The following MINAR2 variants were observed in gnomAD, a reference collection of about 807,000 sequenced individuals.
The protein encoded by MINAR2 is major intrinsically disordered NOTCH2-binding receptor 1-like.
MINAR2 carries 21 observed loss-of-function variants against 16.1 expected under a neutral mutation model. The observed-to-expected ratio is 1.31, with a 90% CI of 0.93 to 1.88. The LOEUF is 1.88. Ranked by LOEUF, MINAR2 falls within the 40% of genes most tolerant of loss-of-function variation. The pLI, the probability that MINAR2 is intolerant of heterozygous loss-of-function variation, is 0.00. For missense variants in MINAR2, 259 were observed against 229.8 expected (o/e 1.13, Z -0.82); for synonymous variants, 86 against 83.0 (o/e 1.04, Z -0.20).
intron 1 of MINAR2, among the ~76,000 whole-genome samples, chr5:129,758,832 C>G (rs938632167): frequency 2.0e-5 from 3 of 151,940 alleles, no homozygotes; most frequent in African/African-American, 7.2e-5. Context: ...AGAAACATTA[C>G]TTTTGAAGCA....
intron 1 of MINAR2, among the ~76,000 whole-genome samples, chr5:129,755,587 C>A (rs1037659079): frequency 3.9e-5 from 6 of 151,920 alleles, no homozygotes; most frequent in African/African-American, 1.4e-4. Context: ...AATTGTCCGA[C>A]TGCACATAAA....
At position 129,748,100 on chromosome 5, in the gene MINAR2, A is replaced by G. The variant is rs1757938265; in HGVS notation, c.-91A>G. The G allele has an allele frequency of 8.3e-7, 1 of 1,211,198 alleles. No individual in the cohort carries two copies. 75.0% of individuals were successfully genotyped at this position (1,211,198 alleles called of 1,614,324 possible). A position where few individuals can be genotyped will look rare whatever the true frequency, so the allele number is the denominator to read the frequency against. Reference sequence around the variant, plus strand: ...AGCTGAGAGACTTGGTTTCAGATGCAGTCAGAGCATCCTCAGGCACATTAA... The same window carrying G: ...AGCTGAGAGACTTGGTTTCAGATGCGGTCAGAGCATCCTCAGGCACATTAA... On this transcript the variant is annotated 5_prime_UTR_variant, in exon 1 of 3. Coordinates refer to ENST00000564719, the MANE Select transcript of MINAR2 (RefSeq NM_001257308.2).
Position 129,765,042 on chromosome 5 carries a change from T to C in MINAR2, c.552T>C (p.Thr184=). ...TCTCCATCTTGGTTACCATAGTGACTATCATTACTTTTTTCACCTGAGGAA... is the reference window on the plus strand; with the variant it reads ...TCTCCATCTTGGTTACCATAGTGACCATCATTACTTTTTTCACCTGAGGAA... ...VVISILVTIV[T]IITFFT Residue 184 remains threonine (T), a synonymous_variant, in exon 3 of 3, where the codon ACT becomes ACC. Transcript: ENST00000564719. The C allele has an allele frequency of 7.7e-7, 1 of 1,300,836 alleles. No individual in the cohort carries two copies. The allele number at this position is 1,300,836 out of a possible 1,614,324, so 80.6% of individuals were successfully genotyped here.
chr5:129,761,232 C>T (rs1250128225), intron 2 of MINAR2, among the ~76,000 whole-genome samples: 1 of 152,170 alleles, frequency 6.6e-6, no homozygotes, highest in African/African-American at 2.4e-5. Context: ...CACCCCATCA[C>T]ATGAAAAACT....
At position 129,754,450 on chromosome 5, in the gene MINAR2, A is replaced by G. The variant is rs1318609610; in HGVS notation, c.166-5928A>G. On this transcript the variant is annotated intron_variant, in intron 1 of 2. Coordinates refer to ENST00000564719, the MANE Select transcript of MINAR2 (RefSeq NM_001257308.2). Reference sequence around the variant, plus strand: ...AAAATGCCTTCTTTTCACTAAGATTATGATAAGGATTACACTGAATGCATA... The same window carrying G: ...AAAATGCCTTCTTTTCACTAAGATTGTGATAAGGATTACACTGAATGCATA... Among the ~76,000 whole-genome samples the G allele has an allele frequency of 2.6e-5, 4 of 152,328 alleles. No individual in the cohort carries two copies. In the South Asian group the frequency reaches 8.3e-4, roughly 32 times the overall value.
At chr5:129,751,469 A>G (rs952066157) in intron 1 of MINAR2, among the ~76,000 whole-genome samples, 8 of 152,290 alleles carry the variant, frequency 5.3e-5, no homozygotes, top group African/African-American at 1.9e-4. Context: ...TGGCCTCCCA[A>G]AGTGCTCAAT....
rs1253928443 is a variant in MINAR2 at position 129,764,989 on chromosome 5, C to G, written c.499C>G (p.Arg167Gly). Residue 167 changes from arginine to glycine, a missense_variant, in exon 3 of 3, where the codon CGT (arginine) becomes GGT (glycine). By Grantham distance (125) the Arg-to-Gly change is moderately radical. Coordinates refer to ENST00000564719, the MANE Select transcript of MINAR2 (RefSeq NM_001257308.2). ...ACAAGAGAAGCATTCAAAATTCTGT[C>G]GTATGGGTCTGATTTTACTTGTCGT... ...EKQEKHSKFC[R>G]MGLILLVVIS... The G allele has an allele frequency of 7.2e-7, 1 of 1,395,044 alleles. No individual in the cohort carries two copies. Among genetic ancestry groups the G allele is most frequent in the Non-Finnish European group, 9.3e-7 (1 of 1,072,600 alleles). The allele number at this position is 1,395,044 out of a possible 1,614,324, so 86.4% of individuals were successfully genotyped here.
Position 129,748,254 on chromosome 5 carries a change from T to A in MINAR2, c.64T>A (p.Ser22Thr). 6.5e-7 allele frequency: 1 copy of A among 1,535,242 alleles called. No homozygotes were observed. Among genetic ancestry groups the A allele is most frequent in the Non-Finnish European group, 8.7e-7 (1 of 1,146,576 alleles). ...PDKFLQLDVK[S>T]LTRSSALLQA... ...CAAATTCCTGCAGCTTGACGTAAAGTCTTTAACGAGGAGCTCAGCCCTCCT... is the reference window on the plus strand; with the variant it reads ...CAAATTCCTGCAGCTTGACGTAAAGACTTTAACGAGGAGCTCAGCCCTCCT... The change falls in exon 1 of 3, where the codon TCT becomes ACT. Residue 22 changes from serine to threonine, a missense_variant. Physicochemically the swap from Ser to Thr is moderately conservative, Grantham distance 58 (BLOSUM62 1). Transcript: ENST00000564719.
intron 1 of MINAR2, among the ~76,000 whole-genome samples, chr5:129,756,070 A>G (rs1758050634): frequency 6.6e-6 from 1 of 152,002 alleles, no homozygotes; most frequent in Admixed American, 6.6e-5. Context: ...TTTGAAATGT[A>G]TTTTTAAATG....
chr5:129,755,497 G>A lies in MINAR2; in HGVS notation c.166-4881G>A, dbSNP rs74934733. Among the ~76,000 whole-genome samples the A allele has an allele frequency of 7.2e-4, 109 of 150,740 alleles. 1 individual carries two copies. In the East Asian group the frequency reaches 0.019, roughly 27 times the overall value. On this transcript the variant is annotated intron_variant, in intron 1 of 2. Coordinates refer to ENST00000564719, the MANE Select transcript of MINAR2 (RefSeq NM_001257308.2). ...GGAGGAGGTTTAAAACTATTGATTCGACTAGTCAAATTATCACAGGTTTGT... is the reference window on the plus strand; with the variant it reads ...GGAGGAGGTTTAAAACTATTGATTCAACTAGTCAAATTATCACAGGTTTGT...
At chr5:129,754,351 A>T (rs1024832005) in intron 1 of MINAR2, among the ~76,000 whole-genome samples, 27 of 152,232 alleles carry the variant, frequency 1.8e-4, no homozygotes, top group African/African-American at 6.0e-4. Flanking sequence ...CTAGCAATTT[A>T]AAACAAAAAT....
chr5:129,765,365 G>C lies in MINAR2; in HGVS notation c.*302G>C, dbSNP rs1224349280. 4.1e-6 allele frequency: 1 copy of C among 245,628 alleles called. No individual in the cohort carries two copies. Among genetic ancestry groups the C allele is most frequent in the African/African-American group, 2.2e-5 (1 of 45,118 alleles). 15.2% of individuals were successfully genotyped at this position (245,628 alleles called of 1,614,324 possible). ...GCAACCCACATTAAATATCTTTATA[G>C]GGAGCAAACAGTATCAAAAATTGTC... On this transcript the variant is annotated 3_prime_UTR_variant, in exon 3 of 3. Coordinates refer to ENST00000564719, the MANE Select transcript of MINAR2 (RefSeq NM_001257308.2).
At chr5:129,751,577 T>C (rs931877390) in intron 1 of MINAR2, among the ~76,000 whole-genome samples, 1 of 152,212 alleles carries the variant, frequency 6.6e-6, no homozygotes, top group Non-Finnish European at 1.5e-5. Context: ...TTCCCATCTA[T>C]GCAGATACTC....
chr5:129,764,005 G>C (rs1758173581), intron 2 of MINAR2, among the ~76,000 whole-genome samples: 1 of 152,188 alleles, frequency 6.6e-6, no homozygotes, highest in Non-Finnish European at 1.5e-5. Flanking sequence ...AGCAGAGATT[G>C]AGTATTCATT....
rs35674869 is a variant in MINAR2, at chr5:129,765,126, A to AC, written c.*71dup. 2,035 of 856,304 alleles carry AC rather than the reference A, an allele frequency of 2.4e-3. 4 individuals carry two copies. Among genetic ancestry groups the AC allele is most frequent in the African/African-American group, 4.8e-3 (279 of 58,218 alleles). The allele number at this position is 856,304 out of a possible 1,614,324, so 53.0% of individuals were successfully genotyped here. Reference sequence around the variant, plus strand: ...AAAATTTTTCTGATAAACATTTGAAACCCCCCCCACCAAAATAACAAAAAA... The same window carrying AC: ...AAAATTTTTCTGATAAACATTTGAAACCCCCCCCCACCAAAATAACAAAAAA... On this transcript the variant is annotated 3_prime_UTR_variant, in exon 3 of 3. Coordinates refer to ENST00000564719, the MANE Select transcript of MINAR2 (RefSeq NM_001257308.2).
Position 129,764,943 on chromosome 5 carries a change from T to C in MINAR2, c.453T>C (p.Thr151=). ...ACATGTACACTCCAGGTTTTGACAC[T>C]TTATTGAAAAAGGAAGAGAAACAAG... ...LGDMYTPGFD[T]LLKKEEKQEK... The change falls in exon 3 of 3, where the codon ACT becomes ACC. Residue 151 remains threonine, a synonymous_variant. Transcript: ENST00000564719. 1 of 1,406,124 alleles carries C rather than the reference T, an allele frequency of 7.1e-7. No individual in the cohort carries two copies. The highest frequency in any genetic ancestry group is 9.3e-7 in the Non-Finnish European group (1 of 1,080,908). The allele number at this position is 1,406,124 out of a possible 1,614,324, so 87.1% of individuals were successfully genotyped here. A position where few individuals can be genotyped will look rare whatever the true frequency, so the allele number is the denominator to read the frequency against.
At chr5:129,753,710 G>A (rs1346760320) in intron 1 of MINAR2, among the ~76,000 whole-genome samples, 2 of 151,758 alleles carry the variant, frequency 1.3e-5, no homozygotes, top group Non-Finnish European at 2.9e-5. Context: ...CTGAGATCGC[G>A]CCATTGTTCT....
chr5:129,756,587 T>A (rs1758056620), intron 1 of MINAR2, among the ~76,000 whole-genome samples: 2 of 152,122 alleles, frequency 1.3e-5, no homozygotes, highest in African/African-American at 4.8e-5. Context: ...TGGTTTTCCA[T>A]TCCTGAGTTA....
chr5:129,750,808 C>T (rs1757976505), intron 1 of MINAR2, among the ~76,000 whole-genome samples: 1 of 152,098 alleles, frequency 6.6e-6, no homozygotes, highest in Non-Finnish European at 1.5e-5. Flanking sequence ...TGCACGCATG[C>T]ACGTGTGTGC....
Sources: allele counts gnomAD v4.1 joint callset (sites outside exome capture counted in the v4.1 genomes callset), GRCh38; gene constraint gnomAD v4.1.1; transcripts MANE v1.5; gene names NCBI Gene and HGNC (gene_info 2026-07-23, HGNC 2026-07-21).